Variants in GMNC observed in about 807,000 individuals in gnomAD.
GMNC encodes the protein geminin coiled-coil domain-containing protein 1.
A neutral mutation model predicts 33.6 loss-of-function variants in GMNC; 16 were observed. That is an observed-to-expected ratio of 0.48 (90% confidence interval 0.32 to 0.72). The LOEUF (loss-of-function observed/expected upper bound fraction) is 0.72, where lower values mean the gene tolerates loss of function less well. Ranked by LOEUF, GMNC falls within the 30% of genes least tolerant of loss-of-function variation. The pLI is 0.03. For synonymous variants in GMNC, 156 were observed against 147.3 expected (o/e 1.06, Z -0.43); for missense variants, 393 against 388.9 (o/e 1.01, Z -0.09).
In GMNC at chr3:190,862,676, G is replaced by T. The variant is rs367917227; in HGVS notation, c.-61C>A. The T allele has an allele frequency of 4.5e-6, 7 of 1,551,476 alleles. No individual in the cohort carries two copies. The South Asian group carries it at 8.3e-5, about 18-fold the overall frequency. ...CACTCAATTTTTCAGTAAAACCAGT[G>T]GGAGCTTTAAATGAGACTGAGGGGA... is the stretch of plus-strand genomic sequence containing the variant. On this transcript the variant is annotated 5_prime_UTR_variant, in exon 1 of 5. Coordinates refer to ENST00000442080, the MANE Select transcript of GMNC (RefSeq NM_001146686.3). The surrounding 1 kb of genome is among the most constrained non-coding windows in gnomAD (Gnocchi z 4.5).
rs1737670172 is a variant in GMNC, at chr3:190,853,476, AT to A, written c.*1818del. On this transcript the variant is annotated 3_prime_UTR_variant, in exon 5 of 5. Coordinates refer to ENST00000442080, the MANE Select transcript of GMNC (RefSeq NM_001146686.3). ...AGAGTAATATTAATTACTATATTGG[AT>A]TTTCTTCATAAATTATTTTTAAAAG... The A allele has an allele frequency of 6.6e-6, 1 of 152,084 alleles. No homozygotes were observed. The highest frequency in any genetic ancestry group is 1.5e-5 in the Non-Finnish European group (1 of 67,984). 9.4% of individuals were successfully genotyped at this position (152,084 alleles called of 1,614,324 possible).
rs1258298529 is a variant in GMNC, at chr3:190,862,341, A to C, written c.3+272T>G. Among the ~76,000 whole-genome samples the C allele has an allele frequency of 4.0e-5, 6 of 149,386 alleles. No homozygotes were observed. The highest frequency in any genetic ancestry group is 7.4e-5 in the Non-Finnish European group (5 of 67,454). On this transcript the variant is annotated intron_variant, in intron 1 of 4. Transcript: ENST00000442080. This position sits in a 1 kb window ranked among gnomAD's most constrained non-coding sequence, Gnocchi z 4.5. ...TGGAGGGGGAAGTTGGGGAGAAAGT[A>C]AGGAAAGTAGTAATAACAGAAAGAG...
chr3:190,845,864 A>G, the GMNC span, among the ~76,000 whole-genome samples: 1 of 152,200 alleles, frequency 6.6e-6, no homozygotes, highest in African/African-American at 2.4e-5. Flanking sequence ...TTCAGGAAAT[A>G]AGCAGTGAAA....
Position 190,855,239 on chromosome 3 carries a change from A to C in GMNC, c.*56T>G. 5.2e-5 allele frequency: 78 copies of C among 1,502,320 alleles called. No homozygotes were observed. The highest frequency in any genetic ancestry group is 6.6e-5 in the Non-Finnish European group (74 of 1,113,194). 93.1% of individuals were successfully genotyped at this position (1,502,320 alleles called of 1,614,324 possible). A position where few individuals can be genotyped will look rare whatever the true frequency, so the allele number is the denominator to read the frequency against. On this transcript the variant is annotated 3_prime_UTR_variant, in exon 5 of 5. Transcript: ENST00000442080. ...TTCCACATAGTCAAATTCAAGTGCAAGAGAGGTCTTTGTAAACAGAGTTCG... is the reference window on the plus strand; with the variant it reads ...TTCCACATAGTCAAATTCAAGTGCACGAGAGGTCTTTGTAAACAGAGTTCG...
intron 3 of GMNC, chr3:190,858,121 G>A: frequency 1.9e-6 from 1 of 534,682 alleles, no homozygotes; most frequent in South Asian, 2.7e-5. Context: ...CAAAGCATTT[G>A]GAGAGATTAT....
At chr3:190,852,233 A>G (rs1320015048), downstream of GMNC, among the ~76,000 whole-genome samples, 1 of 152,120 alleles carries the variant, frequency 6.6e-6, no homozygotes, top group Admixed American at 6.5e-5. Flanking sequence ...CTCCACATCT[A>G]TGCTACAGGT....
chr3:190,844,656 T>C, the GMNC span, among the ~76,000 whole-genome samples: 1 of 151,940 alleles, frequency 6.6e-6, no homozygotes, highest in African/African-American at 2.4e-5. Context: ...TTGCCAAAAT[T>C]ATATAAAAAA....
At chr3:190,859,069 A>C in intron 2 of GMNC, 53 bp from the exon 3 acceptor site, 2 of 1,096,864 alleles carry the variant, frequency 1.8e-6, no homozygotes, top group Non-Finnish European at 2.7e-6. Flanking sequence ...TTTCTGTGTA[A>C]TAAAGAAACT....
the GMNC span, among the ~76,000 whole-genome samples, chr3:190,843,403 G>A: frequency 2.0e-5 from 3 of 152,124 alleles, no homozygotes; most frequent in Non-Finnish European, 4.4e-5. Context: ...AGATGGGGTT[G>A]TAGAACTCGA....
downstream of GMNC, among the ~76,000 whole-genome samples, chr3:190,851,322 CT>C (rs1737629823): frequency 1.3e-5 from 2 of 152,172 alleles, no homozygotes; most frequent in Non-Finnish European, 2.9e-5. Flanking sequence ...GCTCACAGAC[CT>C]TATCCCATGT....
the GMNC span, among the ~76,000 whole-genome samples, chr3:190,846,890 C>G: frequency 2.0e-5 from 3 of 152,194 alleles, no homozygotes. Flanking sequence ...GTCCATGAAA[C>G]TGAGTCCATG....
rs1318468138 is a variant in GMNC at position 190,854,319 on chromosome 3, G to T, written c.*976C>A. 1.3e-5 allele frequency: 2 copies of T among 152,152 alleles called. No individual in the cohort carries two copies. Among genetic ancestry groups the T allele is most frequent in the Non-Finnish European group, 2.9e-5 (2 of 68,014 alleles). 9.4% of individuals were successfully genotyped at this position (152,152 alleles called of 1,614,324 possible). A position where few individuals can be genotyped will look rare whatever the true frequency, so the allele number is the denominator to read the frequency against. ...TGATGGTGGCCACAGTGTCTAAATT[G>T]CTTGTATTTTATCACCATCACATAG... On this transcript the variant is annotated 3_prime_UTR_variant, in exon 5 of 5. Transcript: ENST00000442080.
intron 2 of GMNC, chr3:190,859,705 CTCTA>C (rs1737821062): frequency 1.7e-5 from 6 of 345,204 alleles, no homozygotes; most frequent in Non-Finnish European, 2.3e-5. Context: ...TGACAGTCAG[CTCTA>C]TCTATCAATA....
At chr3:190,848,094 A>T (rs1370992996), downstream of GMNC, among the ~76,000 whole-genome samples, 1 of 152,208 alleles carries the variant, frequency 6.6e-6, no homozygotes, top group Non-Finnish European at 1.5e-5. Context: ...AATAGTTACC[A>T]TACTGATACC....
intron 2 of GMNC, 129 bp from the exon 3 acceptor site, chr3:190,859,145 C>T (rs143149953): frequency 1.1e-4 from 65 of 616,474 alleles, no homozygotes; most frequent in East Asian, 1.0e-3. Flanking sequence ...TGCTGCCATA[C>T]AGGAAAACAA....
rs1274023011 is a variant in GMNC at position 190,855,909 on chromosome 3, G to C, written c.391C>G (p.Leu131Val). The C allele has an allele frequency of 2.0e-6, 3 of 1,534,010 alleles. No individual in the cohort carries two copies. The highest frequency in any genetic ancestry group is 1.8e-6 in the Non-Finnish European group (2 of 1,137,218). Residue 131 changes from leucine to valine, a missense_variant, in exon 5 of 5, where the codon CTC becomes GTC. Leu to Val is a conservative substitution (Grantham distance 32). Coordinates refer to ENST00000442080, the MANE Select transcript of GMNC (RefSeq NM_001146686.3). ...KCLEEKAKKL[L>V]SSDEFSKAYG... ...GCTTTGGAGAACTCATCAGATGAGA[G>C]CAATTTCTAGGGAAGTGATATTTGA... is the stretch of plus-strand genomic sequence containing the variant.
At chr3:190,847,519 T>A in the GMNC span, among the ~76,000 whole-genome samples, 1 of 152,224 alleles carries the variant, frequency 6.6e-6, no homozygotes, top group Non-Finnish European at 1.5e-5. Flanking sequence ...CAGAAGCTTC[T>A]GCTGAACTTC....
At chr3:190,849,999 CAG>C (rs1413831667), downstream of GMNC, among the ~76,000 whole-genome samples, 1 of 152,180 alleles carries the variant, frequency 6.6e-6, no homozygotes, top group Non-Finnish European at 1.5e-5. Flanking sequence ...AATTGAGAAA[CAG>C]ATTTATTTCC....
intron 3 of GMNC, among the ~76,000 whole-genome samples, chr3:190,858,610 C>T (rs934094893): frequency 6.6e-6 from 1 of 152,160 alleles, no homozygotes; most frequent in African/African-American, 2.4e-5. Context: ...TTATATCATT[C>T]GATCTTTTCA....
Sources: allele counts gnomAD v4.1 joint callset (sites outside exome capture counted in the v4.1 genomes callset), GRCh38; gene constraint gnomAD v4.1.1; non-coding constraint Gnocchi (gnomAD v3.1); transcripts MANE v1.5; gene names NCBI Gene and HGNC (gene_info 2026-07-23, HGNC 2026-07-21).